CADPS: variants seen among roughly 807,000 people sequenced by gnomAD.
CADPS encodes calcium dependent secretion activator.
In CADPS, 57 loss-of-function variants were observed where a neutral mutation model predicts 167.3. The ratio of observed to expected loss-of-function variants is 0.34; its 90% CI spans 0.28 to 0.42. The LOEUF (loss-of-function observed/expected upper bound fraction) is 0.42. CADPS is among the 20% of genes least tolerant of loss of function. The pLI, the probability that CADPS is intolerant of heterozygous loss-of-function variation, is 1.00. For synonymous variants in CADPS, 676 were observed against 635.3 expected, an observed-to-expected ratio of 1.06 and a Z score of -0.96; for missense variants, 1,414 against 1,738.1, an observed-to-expected ratio of 0.81 and a Z score of 3.32.
chr3:62,820,923 C>A (rs1054585321), intron 1 of CADPS, among the ~76,000 whole-genome samples: 3 of 151,918 alleles, frequency 2.0e-5, no homozygotes, highest in African/African-American at 7.3e-5. Flanking sequence ...GCCTCAGCCT[C>A]CTGAGTAGCT....
chr3:62,623,819 T>C (rs1168111352), intron 6 of CADPS, among the ~76,000 whole-genome samples: 1 of 152,072 alleles, frequency 6.6e-6, no homozygotes, highest in African/African-American at 2.4e-5. Flanking sequence ...TCAATAAAAA[T>C]AAATTAAAAT....
chr3:62,555,337 T>C (rs2077961264), intron 10 of CADPS, among the ~76,000 whole-genome samples: 2 of 152,348 alleles, frequency 1.3e-5, no homozygotes, highest in Middle Eastern at 3.4e-3. Context: ...CACATGTAGA[T>C]AGAATAGCTC....
At chr3:62,484,388 A>G (rs1205659887) in intron 21 of CADPS, among the ~76,000 whole-genome samples, 2 of 152,184 alleles carry the variant, frequency 1.3e-5, no homozygotes, top group African/African-American at 4.8e-5. Context: ...AGGCTCCTGG[A>G]ACTGCTGATG....
chr3:62,652,744 A>G (rs1037434295), intron 4 of CADPS, among the ~76,000 whole-genome samples: 56 of 152,274 alleles, frequency 3.7e-4, no homozygotes, highest in African/African-American at 1.3e-3. Flanking sequence ...AAAAGAAAAG[A>G]AAGATGCTTT....
chr3:62,764,112 T>C (rs1157569892), intron 2 of CADPS, among the ~76,000 whole-genome samples: 1 of 152,206 alleles, frequency 6.6e-6, no homozygotes, highest in Non-Finnish European at 1.5e-5. Context: ...CTCTGGTGAA[T>C]GACTCTAAAT....
chr3:62,557,899 G>A (rs559997775), intron 9 of CADPS, among the ~76,000 whole-genome samples: 2 of 152,296 alleles, frequency 1.3e-5, no homozygotes, highest in South Asian at 2.1e-4. Flanking sequence ...GTGGTTAAAC[G>A]ACAGCAATTT....
At chr3:62,607,910 G>A (rs938599928) in intron 6 of CADPS, among the ~76,000 whole-genome samples, 2 of 152,194 alleles carry the variant, frequency 1.3e-5, no homozygotes, top group African/African-American at 4.8e-5. Flanking sequence ...GATGAATGAG[G>A]CCAGCTGGCT....
chr3:62,779,808 A>C (rs2091200356), intron 1 of CADPS: 1 of 253,930 alleles, frequency 3.9e-6, no homozygotes, highest in Non-Finnish European at 7.7e-6. Context: ...ATTCAGTGAG[A>C]AGGAAACTAG....
chr3:62,432,408 T>C lies in CADPS; in HGVS notation c.3777+5696A>G, dbSNP rs1016913352. On this transcript the variant is annotated intron_variant, in intron 28 of 29. Coordinates refer to ENST00000383710, the MANE Select transcript of CADPS (RefSeq NM_003716.4). Reference sequence around the variant, plus strand: ...TCAAAGCCCCACTCCTGACCATCACTATTTTGCCTGTTTCAGGAAGATGTT... The same window carrying C: ...TCAAAGCCCCACTCCTGACCATCACCATTTTGCCTGTTTCAGGAAGATGTT... Among the ~76,000 whole-genome samples, 8 of 152,114 alleles carry C rather than the reference T, an allele frequency of 5.3e-5. No homozygotes were observed. The East Asian group carries it at 1.5e-3, about 29-fold the overall frequency.
intron 1 of CADPS, among the ~76,000 whole-genome samples, chr3:62,813,934 G>A (rs1028832808): frequency 6.6e-5 from 10 of 152,124 alleles, no homozygotes; most frequent in South Asian, 2.1e-4. Context: ...TTTATTGAAC[G>A]AACAAATGAA....
intron 3 of CADPS, among the ~76,000 whole-genome samples, chr3:62,695,201 A>G (rs1031117985): frequency 5.9e-5 from 9 of 152,118 alleles, no homozygotes; most frequent in African/African-American, 2.2e-4. Context: ...TGATTTTGGG[A>G]TTAGGGAAAG....
intron 16 of CADPS, among the ~76,000 whole-genome samples, chr3:62,515,610 G>A (rs2068786495): frequency 6.6e-6 from 1 of 152,004 alleles, no homozygotes; most frequent in Non-Finnish European, 1.5e-5. Context: ...TACTTTTGGG[G>A]GCAAGAAAGA....
chr3:62,780,627 T>C (rs887268366), intron 1 of CADPS, among the ~76,000 whole-genome samples: 3 of 152,188 alleles, frequency 2.0e-5, no homozygotes, highest in East Asian at 3.9e-4. Flanking sequence ...AGAATACTGA[T>C]AAGTTGCAAA....
At chr3:62,719,700 G>A (rs1476558156) in intron 3 of CADPS, among the ~76,000 whole-genome samples, 1 of 152,196 alleles carries the variant, frequency 6.6e-6, no homozygotes. Flanking sequence ...GAAAAATGTA[G>A]CCATTGCCTA....
At chr3:62,822,756 G>A (rs1038998143) in intron 1 of CADPS, among the ~76,000 whole-genome samples, 4 of 152,014 alleles carry the variant, frequency 2.6e-5, no homozygotes, top group Admixed American at 6.6e-5. Context: ...GTAGGAGAAC[G>A]GCTTGAACCT....
intron 3 of CADPS, among the ~76,000 whole-genome samples, chr3:62,716,744 T>C (rs1271153018): frequency 6.6e-6 from 1 of 152,246 alleles, no homozygotes; most frequent in African/African-American, 2.4e-5. Context: ...ATCTGCTCAT[T>C]GTGACTAACG....
At chr3:62,676,452 T>C (rs1161076869) in intron 3 of CADPS, among the ~76,000 whole-genome samples, 2 of 152,188 alleles carry the variant, frequency 1.3e-5, no homozygotes, top group Non-Finnish European at 2.9e-5. Flanking sequence ...GTAATGGTCA[T>C]CATTATCGAC....
At chr3:62,791,009 A>AT (rs67255561) in intron 1 of CADPS, among the ~76,000 whole-genome samples, 1 of 151,764 alleles carries the variant, frequency 6.6e-6, no homozygotes, top group African/African-American at 2.4e-5. Context: ...TAAAAAAAAA[A>AT]ATACGTATTT....
chr3:62,400,204 T>C (rs1214710024), intron 29 of CADPS, among the ~76,000 whole-genome samples: 1 of 152,222 alleles, frequency 6.6e-6, no homozygotes, highest in Non-Finnish European at 1.5e-5. Context: ...GGGAAAGAAC[T>C]GTATCTATTC....
Sources: gnomAD v4.1 joint callset for allele counts (sites outside exome capture counted in the v4.1 genomes callset) on GRCh38, gnomAD v4.1.1 for gene constraint, MANE v1.5 for transcripts, NCBI Gene and HGNC (gene_info 2026-07-23, HGNC 2026-07-21) for gene names.